Variants in DNAI7 observed in about 807,000 individuals in gnomAD.
DNAI7 encodes dynein axonemal intermediate chain 7.
Under a neutral mutation model 86.6 loss-of-function variants are expected in DNAI7, and 78 were observed. That is an observed-to-expected ratio of 0.90 (90% confidence interval 0.75 to 1.09). DNAI7 has a LOEUF of 1.09. Ranked by LOEUF, DNAI7 falls within the 50% of genes least tolerant of loss-of-function variation. The probability of loss-of-function intolerance (pLI) is 0.00; values close to 1 mark genes in which losing one functional copy is unlikely to be tolerated. For missense variants in DNAI7, 753 were observed against 810.2 expected (o/e 0.93, Z 0.86); for synonymous variants, 274 against 273.0 (o/e 1.00, Z -0.04).
rs190883289 is a variant in DNAI7 at position 25,187,620 on chromosome 12, T to C, written c.21+2994A>G. On this transcript the variant is annotated intron_variant, in intron 2 of 15. Transcript: ENST00000395987. ...TATATAAGGATCTTCATTCCTGCCT[T>C]GATTGTGATAGCAAAAAATAGGGCC... 2.0e-3 allele frequency among the ~76,000 whole-genome samples: 302 copies of C among 152,204 alleles called. 2 individuals carry two copies. The highest frequency in any genetic ancestry group is 6.5e-4 in the Non-Finnish European group (44 of 68,000).
intron 2 of DNAI7, among the ~76,000 whole-genome samples, chr12:25,165,047 A>C (rs1033171715): frequency 6.6e-6 from 1 of 152,112 alleles, no homozygotes; most frequent in Admixed American, 6.6e-5. Flanking sequence ...TTTTCATCAA[A>C]TAAAAAACGC....
At position 25,119,134 on chromosome 12, in the gene DNAI7, A is replaced by T; in HGVS notation, c.1396+11T>A. ...ATCCCTCCTTTTATTACATAATTAT[A>T]AAAGCTGTACCTTCAGCATCCCACC... On this transcript the variant is annotated intron_variant, in intron 12 of 15. Coordinates refer to ENST00000395987, the MANE Select transcript of DNAI7 (RefSeq NM_018272.5). The T allele has an allele frequency of 1.3e-6, 2 of 1,579,156 alleles. No homozygotes were observed. The highest frequency in any genetic ancestry group is 2.4e-5 in the South Asian group (2 of 84,290).
chr12:25,193,069 C>T (rs1261049703), intron 1 of DNAI7, among the ~76,000 whole-genome samples: 2 of 151,374 alleles, frequency 1.3e-5, no homozygotes, highest in Admixed American at 6.6e-5. Flanking sequence ...TTGCTTGAAC[C>T]AGGGAGGCTG....
intron 2 of DNAI7, among the ~76,000 whole-genome samples, chr12:25,169,499 C>CA (rs893419856): frequency 6.6e-6 from 1 of 152,192 alleles, no homozygotes; most frequent in African/African-American, 2.4e-5. Flanking sequence ...GTGGTCTCTT[C>CA]ACACGGACGA....
intron 9 of DNAI7, among the ~76,000 whole-genome samples, chr12:25,139,850 A>T (rs1266547065): frequency 6.6e-6 from 1 of 152,186 alleles, no homozygotes; most frequent in Non-Finnish European, 1.5e-5. Context: ...AGTATATAAT[A>T]ATAAATACAT....
In DNAI7 at chr12:25,162,289, G is replaced by A. The variant is rs189815251; in HGVS notation, c.22-1092C>T. ...GAAAGAGGAGAGAGTCTCACAGAGG[G>A]AGAATGGCAGTCCAGAACAGGTGAA... is the stretch of plus-strand genomic sequence containing the variant. On this transcript the variant is annotated intron_variant, in intron 2 of 15. Transcript: ENST00000395987. 2.2e-3 allele frequency among the ~76,000 whole-genome samples: 341 copies of A among 152,246 alleles called. 5 individuals are homozygous for A. The highest frequency in any genetic ancestry group is 6.8e-4 in the Non-Finnish European group (46 of 68,020).
intron 9 of DNAI7, among the ~76,000 whole-genome samples, chr12:25,132,786 G>T (rs1014075667): frequency 2.0e-5 from 3 of 150,162 alleles, no homozygotes; most frequent in Admixed American, 2.0e-4. Flanking sequence ...TACATTTTTG[G>T]CTAGTTGTAT....
rs180949011 is a variant in DNAI7 at position 25,116,501 on chromosome 12, A to C, written c.1397-1631T>G. Among the ~76,000 whole-genome samples the C allele has an allele frequency of 1.5e-4, 18 of 116,280 alleles. No homozygotes were observed. In the Admixed American group the frequency reaches 1.6e-3, roughly 10 times the overall value. The allele number at this position is 116,280 out of a possible 152,430, so 76.3% of individuals were successfully genotyped here. ...ATTTACCTTGTCTAATTCTAATTTC[A>C]TGTGAATAATTTTTTTTTTCAGAGT... On this transcript the variant is annotated intron_variant, in intron 12 of 15. Transcript: ENST00000395987.
chr12:25,159,213 T>C (rs1256161287), intron 3 of DNAI7, among the ~76,000 whole-genome samples: 2 of 152,226 alleles, frequency 1.3e-5, no homozygotes, highest in Admixed American at 6.5e-5. Flanking sequence ...TAGCTTTAGA[T>C]GTGCTTCCTC....
rs140050479 is a variant in DNAI7 at position 25,117,410 on chromosome 12, A to G, written c.1396+1735T>C. Among the ~76,000 whole-genome samples, 1,354 of 152,294 alleles carry G rather than the reference A, an allele frequency of 8.9e-3. 7 individuals carry two copies. The highest frequency in any genetic ancestry group is 0.02 in the Middle Eastern group (6 of 294). ...CTGTTCCTAAATTTTCCATAACTAA[A>G]TAAGTAGATTATGTAAAAGCTCTGT... On this transcript the variant is annotated intron_variant, in intron 12 of 15. Transcript: ENST00000395987.
Position 25,127,500 on chromosome 12 carries a change from T to G in DNAI7, c.1003-4214A>C, listed in dbSNP as rs114280092. On this transcript the variant is annotated intron_variant, in intron 9 of 15. Transcript: ENST00000395987. Reference sequence around the variant, plus strand: ...GTCTCAAAAACTGACAACTGGAATTTTTACTTCAATTGTATTAAATTTATA... The same window carrying G: ...GTCTCAAAAACTGACAACTGGAATTGTTACTTCAATTGTATTAAATTTATA... Among the ~76,000 whole-genome samples the G allele has an allele frequency of 3.4e-3, 515 of 152,278 alleles. 4 individuals carry two copies. Among genetic ancestry groups the G allele is most frequent in the African/African-American group, 0.012 (482 of 41,556 alleles).
In DNAI7 at chr12:25,158,631, T is replaced by C. The variant is rs1592507900; in HGVS notation, c.107-68A>G. 3.3e-6 allele frequency: 5 copies of C among 1,528,642 alleles called. No individual in the cohort carries two copies. In the East Asian group the frequency reaches 1.2e-4, roughly 36 times the overall value. 94.7% of individuals were successfully genotyped at this position (1,528,642 alleles called of 1,614,324 possible). ...TGTATTTTTAAGCCCTTAAAATTAC[T>C]CCTAATATTTTCAAGATGTAGTGGT... On this transcript the variant is annotated intron_variant, in intron 3 of 15. Coordinates refer to ENST00000395987, the MANE Select transcript of DNAI7 (RefSeq NM_018272.5).
rs775350943 is a variant in DNAI7, at chr12:25,123,296, AC to A, written c.1003-11del. On this transcript the variant is annotated splice_polypyrimidine_tract_variant and intron_variant, in intron 9 of 15. Transcript: ENST00000395987. ...CTTCCTCAGCAGAACTCTATAAAAAACCACAGACATATGGGTGTGATTGTCA... is the reference window on the plus strand; with the variant it reads ...CTTCCTCAGCAGAACTCTATAAAAAACACAGACATATGGGTGTGATTGTCA... 1.9e-5 allele frequency: 30 copies of A among 1,590,218 alleles called. No individual in the cohort carries two copies. Among genetic ancestry groups the A allele is most frequent in the Non-Finnish European group, 2.5e-5 (29 of 1,165,524 alleles).
intron 15 of DNAI7, among the ~76,000 whole-genome samples, chr12:25,109,874 C>T (rs192300534): frequency 6.6e-6 from 1 of 151,996 alleles, no homozygotes; most frequent in Non-Finnish European, 1.5e-5. Context: ...AACGGGGTTT[C>T]ACCATATTGG....
intron 2 of DNAI7, 109 bp from the exon 3 acceptor site, chr12:25,161,306 C>T: frequency 1.1e-6 from 1 of 908,278 alleles, no homozygotes. Context: ...ATAAAACCAG[C>T]CTTTCATGCA....
At chr12:25,117,480 C>T (rs1266862123) in intron 12 of DNAI7, among the ~76,000 whole-genome samples, 1 of 152,022 alleles carries the variant, frequency 6.6e-6, no homozygotes, top group African/African-American at 2.4e-5. Flanking sequence ...GTATATAAAT[C>T]CCTTCACCAA....
chr12:25,146,972 T>C (rs1764742479), intron 8 of DNAI7, 29 bp downstream of exon 8: 1 of 1,130,832 alleles, frequency 8.8e-7, no homozygotes, highest in Non-Finnish European at 1.3e-6. Flanking sequence ...TCTTTCCACC[T>C]ACAGGGAAAG....
At chr12:25,149,932 A>T (rs1459918611) in intron 6 of DNAI7, among the ~76,000 whole-genome samples, 158 bp from the exon 7 acceptor site, 1 of 152,218 alleles carries the variant, frequency 6.6e-6, no homozygotes, top group Non-Finnish European at 1.5e-5. Context: ...ATCATAAACA[A>T]AAATTTCCTC....
At chr12:25,117,232 C>T (rs1209926349) in intron 12 of DNAI7, among the ~76,000 whole-genome samples, 1 of 152,142 alleles carries the variant, frequency 6.6e-6, no homozygotes, top group Non-Finnish European at 1.5e-5. Context: ...CTGCGACCGG[C>T]CTACTGTTTT....
Sources: allele counts gnomAD v4.1 joint callset (sites outside exome capture counted in the v4.1 genomes callset), GRCh38; gene constraint gnomAD v4.1.1; transcripts MANE v1.5; gene names NCBI Gene and HGNC (gene_info 2026-07-23, HGNC 2026-07-21).